Variants in PCDH9 observed in about 807,000 individuals in gnomAD.
PCDH9 encodes the protein protocadherin-9.
Under a neutral mutation model 70.6 loss-of-function variants are expected in PCDH9, and 24 were observed. The ratio of observed to expected loss-of-function variants is 0.34; its 90% CI spans 0.25 to 0.48. The LOEUF (loss-of-function observed/expected upper bound fraction) is 0.48, where lower values mean the gene tolerates loss of function less well. PCDH9 is among the 20% of genes least tolerant of loss of function. The pLI is 0.99. For synonymous variants in PCDH9, 562 were observed against 558.5 expected, an observed-to-expected ratio of 1.01 and a Z score of -0.09; for missense variants, 1,281 against 1,503.6, an observed-to-expected ratio of 0.85 and a Z score of 2.45.
intron 2 of PCDH9, among the ~76,000 whole-genome samples, chr13:67,159,148 T>C (rs1007620379): frequency 2.0e-5 from 3 of 152,122 alleles, no homozygotes; most frequent in East Asian, 1.9e-4. Flanking sequence ...CTGGATATTG[T>C]TGGCAAGAAG....
Position 66,938,513 on chromosome 13 carries a change from T to C in PCDH9, c.3037-34908A>G, listed in dbSNP as rs189566262. Reference sequence around the variant, plus strand: ...GAAACAAGCTGTGGCAAACCCTGTGTACAACTGCAGCACACACAAATCAAA... The same window carrying C: ...GAAACAAGCTGTGGCAAACCCTGTGCACAACTGCAGCACACACAAATCAAA... On this transcript the variant is annotated intron_variant, in intron 2 of 4. Coordinates refer to ENST00000377865, the MANE Select transcript of PCDH9 (RefSeq NM_203487.3). 4.8e-3 allele frequency among the ~76,000 whole-genome samples: 726 copies of C among 152,306 alleles called. 5 individuals carry two copies. Among genetic ancestry groups the C allele is most frequent in the African/African-American group, 0.017 (690 of 41,560 alleles).
chr13:66,439,453 A>G (rs1423574474), intron 4 of PCDH9, among the ~76,000 whole-genome samples: 1 of 152,186 alleles, frequency 6.6e-6, no homozygotes, highest in Non-Finnish European at 1.5e-5. Flanking sequence ...CCACAGAAAT[A>G]AAATAGGTAA....
chr13:66,863,870 CCCGAGACA>C (rs2081526323), intron 3 of PCDH9, among the ~76,000 whole-genome samples: 1 of 151,838 alleles, frequency 6.6e-6, no homozygotes, highest in African/African-American at 2.4e-5. Context: ...TTATAAATTA[CCCGAGACA>C]GGGTAATTTA....
intron 4 of PCDH9, among the ~76,000 whole-genome samples, chr13:66,605,209 T>C (rs2077208918): frequency 6.6e-6 from 1 of 152,084 alleles, no homozygotes; most frequent in Non-Finnish European, 1.5e-5. Flanking sequence ...TCTAAATATT[T>C]GAGCAAATAC....
intron 4 of PCDH9, among the ~76,000 whole-genome samples, chr13:66,484,580 T>G (rs1033464567): frequency 4.6e-5 from 7 of 152,228 alleles, no homozygotes; most frequent in African/African-American, 1.7e-4. Context: ...AAATTACAGT[T>G]TCCTAGCTTT....
At chr13:66,424,107 T>C (rs1452563870) in intron 4 of PCDH9, among the ~76,000 whole-genome samples, 3 of 152,080 alleles carry the variant, frequency 2.0e-5, no homozygotes, top group Admixed American at 2.0e-4. Flanking sequence ...TATCTAGGAA[T>C]ACAACTTACA....
intron 4 of PCDH9, among the ~76,000 whole-genome samples, chr13:66,484,016 A>G (rs1488663160): frequency 6.6e-6 from 1 of 152,132 alleles, no homozygotes; most frequent in Non-Finnish European, 1.5e-5. Context: ...GGGCACTTGG[A>G]GGAGAGCCCT....
chr13:66,525,550 A>T (rs78938353), intron 4 of PCDH9, among the ~76,000 whole-genome samples: 2,255 of 152,182 alleles, frequency 0.015, 44 homozygotes, highest in African/African-American at 0.052. Context: ...AAAAATCAAA[A>T]CAAAACAAAA....
intron 4 of PCDH9, among the ~76,000 whole-genome samples, chr13:66,321,724 A>G (rs1227287852): frequency 1.3e-5 from 2 of 152,054 alleles, no homozygotes; most frequent in African/African-American, 4.8e-5. Flanking sequence ...CTAATTGCTC[A>G]TGCCAAAAGA....
At chr13:66,363,764 T>A (rs1956508912) in intron 4 of PCDH9, among the ~76,000 whole-genome samples, 1 of 152,188 alleles carries the variant, frequency 6.6e-6, no homozygotes, top group South Asian at 2.1e-4. Context: ...AATTCATGCA[T>A]AATGCATTCT....
At chr13:66,656,214 T>C (rs894685749) in intron 3 of PCDH9, among the ~76,000 whole-genome samples, 6 of 151,938 alleles carry the variant, frequency 3.9e-5, no homozygotes, top group African/African-American at 1.4e-4. Flanking sequence ...AAAGTCAGTA[T>C]ATGCACAAGC....
chr13:66,803,932 G>C (rs571503666), intron 3 of PCDH9, among the ~76,000 whole-genome samples: 6 of 152,076 alleles, frequency 3.9e-5, no homozygotes, highest in Non-Finnish European at 7.4e-5. Flanking sequence ...TGATTTTCTT[G>C]GTGTAATAAC....
chr13:66,987,719 A>G (rs1378019128), intron 2 of PCDH9, among the ~76,000 whole-genome samples: 1 of 151,914 alleles, frequency 6.6e-6, no homozygotes, highest in Non-Finnish European at 1.5e-5. Context: ...ATTTTAAATA[A>G]TAATTATCAG....
At chr13:66,729,938 C>A (rs2079050990) in intron 3 of PCDH9, among the ~76,000 whole-genome samples, 1 of 152,138 alleles carries the variant, frequency 6.6e-6, no homozygotes, top group Non-Finnish European at 1.5e-5. Context: ...AACCTGACAT[C>A]TTTTTCCATC....
At chr13:66,997,147 G>A (rs762272017) in intron 2 of PCDH9, among the ~76,000 whole-genome samples, 1 of 152,078 alleles carries the variant, frequency 6.6e-6, no homozygotes, top group African/African-American at 2.4e-5. Flanking sequence ...AAGTGTGTTC[G>A]TTCATTTGCA....
At chr13:66,988,469 A>G (rs955386038) in intron 2 of PCDH9, among the ~76,000 whole-genome samples, 1 of 152,032 alleles carries the variant, frequency 6.6e-6, no homozygotes, top group Non-Finnish European at 1.5e-5. Context: ...TTTACATTCT[A>G]AGAGAAGTTG....
intron 4 of PCDH9, among the ~76,000 whole-genome samples, chr13:66,424,241 G>A (rs1957625632): frequency 6.6e-6 from 1 of 152,090 alleles, no homozygotes; most frequent in Non-Finnish European, 1.5e-5. Context: ...TGTGAAAATG[G>A]CCATACTGCC....
chr13:66,562,405 T>C (rs537604639), intron 4 of PCDH9, among the ~76,000 whole-genome samples: 1 of 152,056 alleles, frequency 6.6e-6, no homozygotes, highest in African/African-American at 2.4e-5. Flanking sequence ...AAGCCGCTAA[T>C]AAAGACATAC....
At chr13:67,118,393 G>A (rs2086817246) in intron 2 of PCDH9, among the ~76,000 whole-genome samples, 1 of 152,116 alleles carries the variant, frequency 6.6e-6, no homozygotes, top group South Asian at 2.1e-4. Context: ...GTAGCAGTCT[G>A]GGCAAGTAAA....
Sources: gnomAD v4.1 joint callset for allele counts (sites outside exome capture counted in the v4.1 genomes callset) on GRCh38, gnomAD v4.1.1 for gene constraint, MANE v1.5 for transcripts, NCBI Gene and HGNC (gene_info 2026-07-23, HGNC 2026-07-21) for gene names.